Variants in HDAC9 observed in about 807,000 individuals in gnomAD.
The protein encoded by HDAC9 is MEF-2 interacting transcription repressor (MITR) protein.
A neutral mutation model predicts 139.4 loss-of-function variants in HDAC9; 41 were observed. The observed-to-expected ratio is 0.29, with a 90% CI of 0.23 to 0.38. The LOEUF (loss-of-function observed/expected upper bound fraction) is 0.38, where lower values mean the gene tolerates loss of function less well. Ranked by LOEUF, HDAC9 falls within the 10% of genes least tolerant of loss-of-function variation. The pLI is 1.00. For synonymous variants in HDAC9, 517 were observed against 476.2 expected, an observed-to-expected ratio of 1.09 and a Z score of -1.12; for missense variants, 1,147 against 1,297.0, an observed-to-expected ratio of 0.88 and a Z score of 1.78.
intron 22 of HDAC9, among the ~76,000 whole-genome samples, chr7:18,894,287 A>G (rs1800968489): frequency 6.6e-6 from 1 of 152,154 alleles, no homozygotes; most frequent in Non-Finnish European, 1.5e-5. Flanking sequence ...GTGTAGGTAG[A>G]AAAGAGATGC....
intron 1 of HDAC9, among the ~76,000 whole-genome samples, chr7:18,386,912 A>T (rs892332500): frequency 6.6e-6 from 1 of 152,124 alleles, no homozygotes; most frequent in Non-Finnish European, 1.5e-5. Flanking sequence ...TCTACCATGG[A>T]TTCTCTCCCT....
At chr7:18,621,795 A>T (rs889196442) in intron 6 of HDAC9, among the ~76,000 whole-genome samples, 1 of 152,220 alleles carries the variant, frequency 6.6e-6, no homozygotes, top group East Asian at 1.9e-4. Context: ...GCCAAGTAGT[A>T]CTTTTGAAAA....
rs570337566 is a variant in HDAC9, at chr7:18,934,392, AT to A, written c.2804-1415del. Among the ~76,000 whole-genome samples, 1,123 of 152,238 alleles carry A rather than the reference AT, an allele frequency of 7.4e-3. 9 individuals are homozygous for A. Among genetic ancestry groups the A allele is most frequent in the South Asian group, 0.03 (146 of 4,828 alleles). On this transcript the variant is annotated intron_variant, in intron 22 of 25. Coordinates refer to ENST00000686413, the MANE Select transcript of HDAC9 (RefSeq NM_178425.4). ...AACATACTCAAAAAAATCTTAAAGC[AT>A]TAGCAAAACAAATCCAGGTGTGTAC...
chr7:18,759,026 GAT>G lies in HDAC9; in HGVS notation c.2044-3129_2044-3128del, dbSNP rs540282602. 9.2e-5 allele frequency among the ~76,000 whole-genome samples: 14 copies of G among 152,222 alleles called. No homozygotes were observed. In the South Asian group the frequency reaches 2.9e-3, roughly 32 times the overall value. On this transcript the variant is annotated intron_variant, in intron 14 of 25. Coordinates refer to ENST00000686413, the MANE Select transcript of HDAC9 (RefSeq NM_178425.4). ...GAAAGAATAAGGAGAAGGAGAAAAA[GAT>G]AAATCAAAGTGAAAACTTAGGAATA...
At chr7:18,913,022 G>T (rs922840058) in intron 22 of HDAC9, among the ~76,000 whole-genome samples, 9 of 152,084 alleles carry the variant, frequency 5.9e-5, no homozygotes, top group Admixed American at 1.3e-4. Flanking sequence ...CTATTTAGTT[G>T]TAGCACATAC....
chr7:18,922,671 G>C (rs1305748386), intron 22 of HDAC9, among the ~76,000 whole-genome samples: 1 of 152,060 alleles, frequency 6.6e-6, no homozygotes, highest in African/African-American at 2.4e-5. Flanking sequence ...TTGACCCTTA[G>C]AGAAACAAAG....
intron 12 of HDAC9, among the ~76,000 whole-genome samples, chr7:18,726,152 C>T (rs1584921241): frequency 6.6e-6 from 1 of 152,134 alleles, no homozygotes; most frequent in East Asian, 1.9e-4. Context: ...AGCATTAACT[C>T]ATATCATGTA....
At chr7:18,675,638 A>T (rs1203729571) in intron 12 of HDAC9, among the ~76,000 whole-genome samples, 1 of 152,038 alleles carries the variant, frequency 6.6e-6, no homozygotes, top group African/African-American at 2.4e-5. Context: ...ATCAAAAAAA[A>T]TTATAGTACA....
Position 18,828,938 on chromosome 7 carries a change from C to T in HDAC9, c.2323-223C>T, listed in dbSNP as rs562922145. Among the ~76,000 whole-genome samples the T allele has an allele frequency of 3.3e-5, 5 of 152,360 alleles. No homozygotes were observed. In the East Asian group the frequency reaches 7.7e-4, roughly 23 times the overall value. The stretch of plus-strand genomic sequence containing the variant: ...CCCAAATCCTGCCCTTCCCCCGACT[C>T]GGAGCCTTCTTTTGGGACATGATCT... On this transcript the variant is annotated intron_variant, in intron 17 of 25. Coordinates refer to ENST00000686413, the MANE Select transcript of HDAC9 (RefSeq NM_178425.4).
chr7:18,303,067 A>G (rs900154056), intron 1 of HDAC9, among the ~76,000 whole-genome samples: 1 of 152,142 alleles, frequency 6.6e-6, no homozygotes, highest in Non-Finnish European at 1.5e-5. Context: ...TAAAGAAGCC[A>G]TTAAAATATT....
chr7:18,789,222 C>G (rs80169231), intron 16 of HDAC9, among the ~76,000 whole-genome samples: 1 of 151,794 alleles, frequency 6.6e-6, no homozygotes, highest in East Asian at 1.9e-4. Flanking sequence ...TCTTCTATAT[C>G]CATCCTAATC....
At chr7:18,945,506 T>A (rs1208904177) in intron 23 of HDAC9, among the ~76,000 whole-genome samples, 2 of 152,248 alleles carry the variant, frequency 1.3e-5, no homozygotes, top group Non-Finnish European at 2.9e-5. Context: ...AATTTATCAA[T>A]CTTTTCCTGT....
At chr7:18,839,603 G>T (rs949515162) in intron 21 of HDAC9, among the ~76,000 whole-genome samples, 2 of 152,068 alleles carry the variant, frequency 1.3e-5, no homozygotes, top group Non-Finnish European at 2.9e-5. Context: ...GTCAAGCTCA[G>T]GTATTAAGCG....
At chr7:18,587,390 C>G (rs1829764824) in intron 3 of HDAC9, among the ~76,000 whole-genome samples, 1 of 151,980 alleles carries the variant, frequency 6.6e-6, no homozygotes, top group Non-Finnish European at 1.5e-5. Context: ...TTCTTAGAAA[C>G]CAAAGACATA....
rs58934381 is a variant in HDAC9 at position 18,143,690 on chromosome 7, G to A, written c.-96-18539G>A. 3.1e-3 allele frequency among the ~76,000 whole-genome samples: 465 copies of A among 151,680 alleles called. 3 individuals carry two copies. The highest frequency in any genetic ancestry group is 0.01 in the African/African-American group (427 of 41,258). On this transcript the variant is annotated intron_variant, in intron 1 of 12. Coordinates refer to the HDAC9 transcript ENST00000417496. The stretch of plus-strand genomic sequence containing the variant: ...AATCCCAGCTACTCAGGAGGTTGAG[G>A]CAGGAGAATTGCTTGAACTCAGGAG...
At chr7:18,581,492 T>C (rs568762301) in intron 2 of HDAC9, among the ~76,000 whole-genome samples, 1 of 152,220 alleles carries the variant, frequency 6.6e-6, no homozygotes, top group Admixed American at 6.5e-5. Flanking sequence ...TTTTTTCTTA[T>C]CTTTTTAAAA....
intron 22 of HDAC9, among the ~76,000 whole-genome samples, chr7:18,909,935 C>A (rs1187823199): frequency 6.6e-6 from 1 of 151,494 alleles, no homozygotes; most frequent in Non-Finnish European, 1.5e-5. Context: ...TTGCTCAGGA[C>A]TCTTTGGCTA....
At chr7:18,154,134 A>C (rs1043856784) in intron 1 of HDAC9, among the ~76,000 whole-genome samples, 5 of 152,202 alleles carry the variant, frequency 3.3e-5, no homozygotes, top group African/African-American at 4.8e-5. Flanking sequence ...ATAAAATGAT[A>C]CTTGTTTCTA....
At chr7:18,589,519 G>A (rs1279819735) in intron 3 of HDAC9, among the ~76,000 whole-genome samples, 1 of 152,068 alleles carries the variant, frequency 6.6e-6, no homozygotes, top group African/African-American at 2.4e-5. Flanking sequence ...GGGCAACAGA[G>A]TGAGACCCTG....
Sources: allele counts gnomAD v4.1 joint callset (sites outside exome capture counted in the v4.1 genomes callset), GRCh38; gene constraint gnomAD v4.1.1; transcripts MANE v1.5; gene names NCBI Gene and HGNC (gene_info 2026-07-23, HGNC 2026-07-21).